Variants in ARHGEF3 observed in about 807,000 individuals in gnomAD.
ARHGEF3 encodes the protein 59.8 kDA protein.
Under a neutral mutation model 63.2 loss-of-function variants are expected in ARHGEF3, and 28 were observed. That is an observed-to-expected ratio of 0.44 (90% CI 0.33 to 0.61). The LOEUF is 0.61. Among genes scored for constraint, ARHGEF3 ranks in the 20% least tolerant of loss-of-function variants. The pLI is 0.03. For missense variants in ARHGEF3, 533 were observed against 659.3 expected, an observed-to-expected ratio of 0.81 and a Z score of 2.10; for synonymous variants, 266 against 254.2, an observed-to-expected ratio of 1.05 and a Z score of -0.44.
chr3:57,042,694 A>ATTTTTTTTTTTT (rs1340824293), intron 1 of ARHGEF3, among the ~76,000 whole-genome samples: 3 of 41,870 alleles, frequency 7.2e-5, no homozygotes, highest in Non-Finnish European at 1.4e-4. Context: ...ATATATATAT[A>ATTTTTTTTTTTT]TATATATTTT....
At chr3:56,870,784 TAA>T (rs34074115) in intron 4 of ARHGEF3, among the ~76,000 whole-genome samples, 3 of 148,454 alleles carry the variant, frequency 2.0e-5, no homozygotes, top group African/African-American at 5.0e-5. Context: ...AAAACTGCTC[TAA>T]AAAAAAAAAG....
chr3:56,960,690 C>T (rs1700242737), intron 2 of ARHGEF3: 1 of 152,194 alleles, frequency 6.6e-6, no homozygotes, highest in Admixed American at 6.5e-5. Context: ...AGGCCCCCTC[C>T]TGCCTCAACC....
chr3:56,982,341 C>T (rs1701357703), intron 2 of ARHGEF3, among the ~76,000 whole-genome samples: 1 of 151,994 alleles, frequency 6.6e-6, no homozygotes. Context: ...TGCAAAAGTT[C>T]ATTAAAGAAA....
chr3:56,908,412 A>G (rs1017825490), intron 3 of ARHGEF3, among the ~76,000 whole-genome samples: 1 of 152,204 alleles, frequency 6.6e-6, no homozygotes, highest in African/African-American at 2.4e-5. Flanking sequence ...CCGTATACAC[A>G]GCTCTGGGCA....
intron 3 of ARHGEF3, among the ~76,000 whole-genome samples, chr3:56,910,670 A>G (rs2041831913): frequency 6.6e-6 from 1 of 152,228 alleles, no homozygotes; most frequent in South Asian, 2.1e-4. Context: ...CGAAAAAGAG[A>G]TAATTTAAAG....
chr3:56,901,452 T>C, intron 3 of ARHGEF3, among the ~76,000 whole-genome samples: 1 of 151,850 alleles, frequency 6.6e-6, no homozygotes. Flanking sequence ...ACTGTATATA[T>C]ATATATACAG....
At chr3:56,762,458 C>T (rs985460147) in intron 2 of ARHGEF3, among the ~76,000 whole-genome samples, 1 of 151,968 alleles carries the variant, frequency 6.6e-6, no homozygotes, top group Non-Finnish European at 1.5e-5. Context: ...AAAGATGCTG[C>T]AGATGCAAAA....
intron 3 of ARHGEF3, among the ~76,000 whole-genome samples, chr3:56,957,545 G>C (rs1700096592): frequency 6.6e-6 from 1 of 152,202 alleles, no homozygotes; most frequent in Non-Finnish European, 1.5e-5. Context: ...GTGAACAAGA[G>C]AGAAAGACAA....
intron 4 of ARHGEF3, among the ~76,000 whole-genome samples, chr3:56,843,719 TATC>T (rs2108118369): frequency 6.6e-6 from 1 of 151,356 alleles, no homozygotes; most frequent in South Asian, 2.1e-4. Flanking sequence ...AAAGTGAAAA[TATC>T]ATGCAATTTG....
At chr3:56,916,500 C>T in intron 3 of ARHGEF3, 1 of 1,381,320 alleles carries the variant, frequency 7.2e-7, no homozygotes. Context: ...CCATCAGTTA[C>T]AAGTGTCAGA....
At chr3:56,734,833 G>A (rs548090194) in intron 8 of ARHGEF3, among the ~76,000 whole-genome samples, 1 of 152,086 alleles carries the variant, frequency 6.6e-6, no homozygotes, top group Non-Finnish European at 1.5e-5. Flanking sequence ...CAAGTTAAAG[G>A]CTTTTTGGTG....
intron 4 of ARHGEF3, among the ~76,000 whole-genome samples, chr3:56,846,475 C>A (rs949270874): frequency 1.3e-5 from 2 of 152,046 alleles, no homozygotes; most frequent in South Asian, 4.1e-4. Context: ...GATAAAAAAA[C>A]TTTTTTTAAT....
chr3:56,924,467 C>A (rs1030681557), intron 3 of ARHGEF3, among the ~76,000 whole-genome samples: 1 of 152,086 alleles, frequency 6.6e-6, no homozygotes, highest in African/African-American at 2.4e-5. Flanking sequence ...GAATTCAGGG[C>A]AAGTCCAGAG....
intron 2 of ARHGEF3, among the ~76,000 whole-genome samples, chr3:57,031,968 G>A (rs1214895378): frequency 6.6e-6 from 1 of 152,122 alleles, no homozygotes; most frequent in Non-Finnish European, 1.5e-5. Context: ...TTATGTCTCT[G>A]AAATATATAC....
intron 3 of ARHGEF3, among the ~76,000 whole-genome samples, chr3:56,891,162 C>G (rs572485938): frequency 7.1e-6 from 1 of 141,548 alleles, no homozygotes. Context: ...GAAGGAGCAC[C>G]AACTCCATTT....
intron 2 of ARHGEF3, among the ~76,000 whole-genome samples, chr3:56,971,113 TAATA>T (rs1700890263): frequency 1.3e-5 from 2 of 152,124 alleles, no homozygotes; most frequent in Non-Finnish European, 2.9e-5. Flanking sequence ...AATAGGAGCT[TAATA>T]AATAATGAGA....
chr3:56,811,328 A>C (rs539095627), intron 4 of ARHGEF3, among the ~76,000 whole-genome samples: 13 of 150,742 alleles, frequency 8.6e-5, no homozygotes, highest in Middle Eastern at 3.4e-3. Context: ...GGAGGAGGGC[A>C]CTTGGCTTGA....
chr3:57,052,508 G>T (rs1254918824), intron 1 of ARHGEF3, among the ~76,000 whole-genome samples: 1 of 151,826 alleles, frequency 6.6e-6, no homozygotes, highest in Non-Finnish European at 1.5e-5. Context: ...AGTTGGCCAG[G>T]GTGGTCTCGA....
At chr3:56,832,497 T>A (rs2038963820) in intron 4 of ARHGEF3, among the ~76,000 whole-genome samples, 1 of 150,796 alleles carries the variant, frequency 6.6e-6, no homozygotes, top group South Asian at 2.1e-4. Flanking sequence ...ACCACCTCAG[T>A]CCCACATTCC....
Sources: gnomAD v4.1 joint callset for allele counts (sites outside exome capture counted in the v4.1 genomes callset) on GRCh38, gnomAD v4.1.1 for gene constraint, MANE v1.5 for transcripts, NCBI Gene and HGNC (gene_info 2026-07-23, HGNC 2026-07-21) for gene names.